Variants in SCML2 observed in about 807,000 individuals in gnomAD.
SCML2 encodes the protein Scm polycomb group protein like 2.
Under a neutral mutation model 48.4 loss-of-function variants are expected in SCML2, and 6 were observed. That is an observed-to-expected ratio of 0.12 (90% CI 0.07 to 0.24). SCML2 has a LOEUF of 0.24. SCML2 is among the 10% of genes least tolerant of loss of function. The probability of loss-of-function intolerance (pLI) is 1.00; values close to 1 mark genes in which losing one functional copy is unlikely to be tolerated. For missense variants in SCML2, 377 were observed against 528.2 expected (o/e 0.71, Z 2.81); for synonymous variants, 181 against 189.5 (o/e 0.95, Z 0.37).
chrX:18,257,091 TAA>T (rs201603110), intron 10 of SCML2, 61 bp from the exon 11 acceptor site: 2 of 719,045 alleles, frequency 2.8e-6, no homozygotes, highest in Middle Eastern at 3.5e-4. Context: ...CAACACTAAT[TAA>T]AAAAAAAACT....
Position 18,262,451 on chromosome X carries a change from G to A in SCML2, c.949-2160C>T, listed in dbSNP as rs972521025. 5.1e-5 allele frequency among the ~76,000 whole-genome samples: 5 copies of A among 98,700 alleles called. 1 individual carries two copies. The highest frequency in any genetic ancestry group is 2.0e-4 in the African/African-American group (5 of 24,755). The allele number at this position is 98,700 out of a possible 115,157, so 85.7% of individuals were successfully genotyped here. ...CACCTCCTGGGTTCAAGCGATTCTCGTGCCTCAGCTTCCTGAGTAGCTGGG... is the reference window on the plus strand; with the variant it reads ...CACCTCCTGGGTTCAAGCGATTCTCATGCCTCAGCTTCCTGAGTAGCTGGG... On this transcript the variant is annotated intron_variant, in intron 8 of 14. Coordinates refer to ENST00000251900, the MANE Select transcript of SCML2 (RefSeq NM_006089.3).
At chrX:18,250,531 G>A (rs1195412712) in intron 11 of SCML2, among the ~76,000 whole-genome samples, 4 of 109,457 alleles carry the variant, frequency 3.7e-5, no homozygotes, top group South Asian at 4.1e-4. Context: ...ACAGGCACCC[G>A]CCACCACACC....
intron 1 of SCML2, 109 bp from the exon 2 acceptor site, chrX:18,334,204 A>T: frequency 1.9e-6 from 1 of 519,011 alleles, no homozygotes; most frequent in Non-Finnish European, 3.1e-6. Flanking sequence ...CTTAAACAAA[A>T]ATGATAAGAT....
chrX:18,249,827 C>T (rs1926580529), intron 11 of SCML2, among the ~76,000 whole-genome samples: 1 of 111,218 alleles, frequency 9.0e-6, no homozygotes, highest in Non-Finnish European at 1.9e-5. Context: ...CCTCTTGGAG[C>T]ACTGAAGTTA....
Position 18,300,528 on chromosome X carries a change from C to T in SCML2, c.730+4444G>A, listed in dbSNP as rs189051651. 2.5e-3 allele frequency among the ~76,000 whole-genome samples: 281 copies of T among 110,840 alleles called. 1 individual carries two copies. Among genetic ancestry groups the T allele is most frequent in the Non-Finnish European group, 3.8e-3 (201 of 52,909 alleles). On this transcript the variant is annotated intron_variant, in intron 7 of 14. Transcript: ENST00000251900. ...AAGATCGGCCAGGCATGGTAGCTCA[C>T]ACCTGTAATCCCAGCACTTTGGGAG...
At chrX:18,280,631 A>G (rs1223085626) in intron 7 of SCML2, among the ~76,000 whole-genome samples, 1 of 112,086 alleles carries the variant, frequency 8.9e-6, no homozygotes, top group Non-Finnish European at 1.9e-5. Flanking sequence ...CTTACATGTA[A>G]CAACACTCAT....
intron 7 of SCML2, among the ~76,000 whole-genome samples, chrX:18,302,256 C>A (rs185986214): frequency 4.5e-5 from 5 of 111,115 alleles, no homozygotes; most frequent in African/African-American, 1.6e-4. Context: ...CTAACGAGTT[C>A]TCCTCTTGCT....
chrX:18,319,193 C>G, intron 6 of SCML2, among the ~76,000 whole-genome samples: 1 of 111,436 alleles, frequency 9.0e-6, no homozygotes, highest in Non-Finnish European at 1.9e-5. Flanking sequence ...GAGTTCAAGA[C>G]CAGCCAGGAC....
At chrX:18,296,624 A>C (rs1365823021) in intron 7 of SCML2, among the ~76,000 whole-genome samples, 3 of 111,561 alleles carry the variant, frequency 2.7e-5, no homozygotes, top group Non-Finnish European at 5.6e-5. Flanking sequence ...ATGAACAACT[A>C]TACACTAACA....
Position 18,247,788 on chromosome X carries a change from T to A in SCML2, c.1551A>T (p.Thr517=). 1.7e-6 allele frequency: 2 copies of A among 1,204,344 alleles called. No homozygotes were observed. Among genetic ancestry groups the A allele is most frequent in the Non-Finnish European group, 2.3e-6 (2 of 888,810 alleles). The change falls in exon 12 of 15, where the codon ACA becomes ACT. Residue 517 remains threonine, a synonymous_variant. Coordinates refer to ENST00000251900, the MANE Select transcript of SCML2 (RefSeq NM_006089.3). ...ATTTACCTTCAGACGCATACTCCTT[T>A]GTTTTGGGGAGCTTAGGAGAGAGAG... ...VVPLSPKLPK[T]KEYASEGEPL... is the part of the protein sequence containing the mutation.
In SCML2 at chrX:18,240,833, T is replaced by C. The variant is rs1350954430; in HGVS notation, c.*418A>G. 4.4e-5 allele frequency: 5 copies of C among 113,809 alleles called. No individual in the cohort carries two copies. The highest frequency in any genetic ancestry group is 1.6e-4 in the African/African-American group (5 of 31,020). The allele number at this position is 113,809 out of a possible 1,213,427, so 9.4% of individuals were successfully genotyped here. ...GGAAAAATTCTCATGGATTTAATTA[T>C]AGAAGTTGTCAATCCCTGATATTTT... On this transcript the variant is annotated 3_prime_UTR_variant, in exon 15 of 15. Coordinates refer to ENST00000251900, the MANE Select transcript of SCML2 (RefSeq NM_006089.3).
chrX:18,258,024 A>C lies in SCML2; in HGVS notation c.1273+20T>G. 1 of 1,146,078 alleles carries C rather than the reference A, an allele frequency of 8.7e-7. No homozygotes were observed. 94.4% of individuals were successfully genotyped at this position (1,146,078 alleles called of 1,213,427 possible). ...GAAGGGGGAAGGGACTGAATTAGAC[A>C]ATGTATTAGATAAGTATACCAGTTA... On this transcript the variant is annotated intron_variant, in intron 10 of 14. Transcript: ENST00000251900.
intron 6 of SCML2, among the ~76,000 whole-genome samples, chrX:18,309,998 A>C (rs1317732957): frequency 8.9e-6 from 1 of 111,845 alleles, no homozygotes; most frequent in Non-Finnish European, 1.9e-5. Context: ...ATATATATAC[A>C]CAGTGGAATA....
chrX:18,251,216 T>C lies in SCML2; in HGVS notation c.1457-3334A>G, dbSNP rs1177399835. Among the ~76,000 whole-genome samples, 4 of 96,267 alleles carry C rather than the reference T, an allele frequency of 4.2e-5. 1 individual carries two copies. 83.6% of individuals were successfully genotyped at this position (96,267 alleles called of 115,157 possible). A position where few individuals can be genotyped will look rare whatever the true frequency, so the allele number is the denominator to read the frequency against. ...AGTCCTGGCACTCTGGAGGCTGAGG[T>C]GGGAGGACTGCTGGAAACTGGTGGC... On this transcript the variant is annotated intron_variant, in intron 11 of 14. Transcript: ENST00000251900.
intron 7 of SCML2, among the ~76,000 whole-genome samples, chrX:18,292,702 G>A (rs941267285): frequency 2.7e-5 from 3 of 110,241 alleles, no homozygotes; most frequent in Admixed American, 9.7e-5. Context: ...AACATCCTTC[G>A]CAGAAATAAT....
At chrX:18,273,363 G>A (rs933541298) in intron 7 of SCML2, among the ~76,000 whole-genome samples, 1 of 111,269 alleles carries the variant, frequency 9.0e-6, no homozygotes, top group Admixed American at 9.6e-5. Flanking sequence ...TAGGCCTCTT[G>A]CAAGTTCCAG....
chrX:18,343,760 C>CAAAAA (rs1196514399), intron 1 of SCML2, among the ~76,000 whole-genome samples: 26 of 38,436 alleles, frequency 6.8e-4, no homozygotes, highest in South Asian at 1.8e-3. Flanking sequence ...GACTCTGTCT[C>CAAAAA]AAAAAAAAAA....
chrX:18,279,770 G>A (rs760662637), intron 7 of SCML2, among the ~76,000 whole-genome samples: 5 of 111,807 alleles, frequency 4.5e-5, no homozygotes, highest in Non-Finnish European at 7.5e-5. Flanking sequence ...AGAATCTCAA[G>A]AGCTCGAAGA....
intron 11 of SCML2, among the ~76,000 whole-genome samples, chrX:18,254,283 G>C (rs941775089): frequency 1.2e-4 from 14 of 112,060 alleles, no homozygotes; most frequent in Admixed American, 9.5e-4. Context: ...AAATGTAAGA[G>C]AAATGGGATA....
Sources: gnomAD v4.1 joint callset for allele counts (sites outside exome capture counted in the v4.1 genomes callset) on GRCh38, gnomAD v4.1.1 for gene constraint, MANE v1.5 for transcripts, NCBI Gene and HGNC (gene_info 2026-07-23, HGNC 2026-07-21) for gene names.